ARHGAP22: variants seen among roughly 807,000 people sequenced by gnomAD.
The protein encoded by ARHGAP22 is Rho GTPase activating protein 22.
In ARHGAP22, 48 loss-of-function variants were observed where a neutral mutation model predicts 59.1. The ratio of observed to expected loss-of-function variants is 0.81; its 90% confidence interval spans 0.64 to 1.03. The LOEUF (loss-of-function observed/expected upper bound fraction) is 1.03. ARHGAP22 is among the 50% of genes least tolerant of loss of function. The pLI is 0.00. For synonymous variants in ARHGAP22, 445 were observed against 416.4 expected (o/e 1.07, Z -0.84); for missense variants, 1,015 against 958.7 (o/e 1.06, Z -0.78).
chr10:48,631,186 A>C (rs2061616047), intron 1 of ARHGAP22, among the ~76,000 whole-genome samples: 1 of 152,072 alleles, frequency 6.6e-6, no homozygotes, highest in Non-Finnish European at 1.5e-5. Flanking sequence ...TTCTTTTTAT[A>C]CATTATTGGA....
chr10:48,605,230 T>C (rs2135930475), upstream of ARHGAP22: 2 of 895,088 alleles, frequency 2.2e-6, no homozygotes, highest in Non-Finnish European at 2.7e-6. Context: ...CGGCCATCCT[T>C]TGCTGAGGCT....
rs1004728430 is a variant in ARHGAP22, at chr10:48,450,653, G to A, written c.1476C>T (p.Tyr492=). 6 of 1,550,190 alleles carry A rather than the reference G, an allele frequency of 3.9e-6. No homozygotes were observed. The highest frequency in any genetic ancestry group is 1.7e-4 in the Middle Eastern group (1 of 6,012). ...DSGSVQRLST[Y]DNVPAPGLVP... The stretch of plus-strand genomic sequence containing the variant: ...CCAGGCCCGGCGCGGGCACATTGTC[G>A]TAGGTGGAGAGTCTCTGCACGGAGC... Residue 492 remains tyrosine, a synonymous_variant, in exon 9 of 10, where the codon TAC becomes TAT. Transcript: ENST00000249601.
chr10:48,456,260 G>C (rs2046493222), intron 5 of ARHGAP22, among the ~76,000 whole-genome samples: 1 of 152,162 alleles, frequency 6.6e-6, no homozygotes. Flanking sequence ...ATGAATCCCA[G>C]GCTAGGCTCA....
At chr10:48,656,265 TGGGGGGGGGGGGGC>T (rs551044417), upstream of ARHGAP22, 29,179 of 101,624 alleles carry the variant, frequency 0.29, 4,909 homozygotes, top group East Asian at 0.46. Flanking sequence ...TCGGCGCCTC[TGGGGGGGGGGGGGC>T]GGGGGGGGGG....
rs531284176 is a variant in ARHGAP22, at chr10:48,527,859, T to G, written c.322+27604A>C. ...GCCAGAGGTGGGAGCCTCTAGGACA[T>G]GTTTCCCAGCAGGAAGGCCAGCCTC... On this transcript the variant is annotated intron_variant, in intron 3 of 9. Coordinates refer to ENST00000249601, the MANE Select transcript of ARHGAP22 (RefSeq NM_021226.4). Among the ~76,000 whole-genome samples the G allele has an allele frequency of 7.9e-5, 12 of 152,258 alleles. No homozygotes were observed. In the East Asian group the frequency reaches 2.3e-3, roughly 29 times the overall value.
intron 2 of ARHGAP22, among the ~76,000 whole-genome samples, chr10:48,558,411 G>A (rs969637802): frequency 6.6e-6 from 1 of 151,110 alleles, no homozygotes; most frequent in Non-Finnish European, 1.5e-5. Context: ...GGCCCAGGCT[G>A]GAGAGCAGTG....
At chr10:48,639,424 A>C (rs1043284501) in intron 1 of ARHGAP22, among the ~76,000 whole-genome samples, 4 of 152,254 alleles carry the variant, frequency 2.6e-5, no homozygotes, top group African/African-American at 9.6e-5. Context: ...TCCAACAGAA[A>C]GTAAAAGCCA....
chr10:48,630,652 A>C (rs1248726887), intron 1 of ARHGAP22, among the ~76,000 whole-genome samples: 1 of 152,188 alleles, frequency 6.6e-6, no homozygotes, highest in Non-Finnish European at 1.5e-5. Context: ...ATATCCTGTG[A>C]CTTGCTATAA....
intron 1 of ARHGAP22, among the ~76,000 whole-genome samples, chr10:48,610,891 G>T (rs1340503821): frequency 6.6e-6 from 1 of 152,222 alleles, no homozygotes; most frequent in African/African-American, 2.4e-5. Context: ...GCAGCTGTCA[G>T]CTGACTTCAC....
At chr10:48,639,130 C>T (rs1348259234) in intron 1 of ARHGAP22, among the ~76,000 whole-genome samples, 1 of 152,198 alleles carries the variant, frequency 6.6e-6, no homozygotes, top group African/African-American at 2.4e-5. Context: ...AGTCCTCACA[C>T]AGGTTCTGTC....
At chr10:48,645,307 C>T (rs934653581) in intron 1 of ARHGAP22, among the ~76,000 whole-genome samples, 2 of 152,124 alleles carry the variant, frequency 1.3e-5, no homozygotes, top group Admixed American at 6.5e-5. Flanking sequence ...AGATGAAGAC[C>T]TTCTACAAAA....
chr10:48,526,978 G>A (rs2054383782), intron 3 of ARHGAP22, among the ~76,000 whole-genome samples: 1 of 152,170 alleles, frequency 6.6e-6, no homozygotes, highest in Non-Finnish European at 1.5e-5. Context: ...TCCTCAAGGG[G>A]GAAGGAAAAT....
the ARHGAP22 span, chr10:48,435,049 G>C: frequency 6.8e-7 from 1 of 1,463,306 alleles, no homozygotes; most frequent in Non-Finnish European, 9.3e-7. Context: ...CCATCGGGGG[G>C]TGGGAGGGAT....
intron 3 of ARHGAP22, among the ~76,000 whole-genome samples, chr10:48,487,130 A>G (rs11817012): frequency 0.72 from 108,898 of 152,112 alleles, 43,225 homozygotes; most frequent in Non-Finnish European, 0.9. Flanking sequence ...TTGGTACTTC[A>G]AATACGTGTT....
chr10:48,543,712 C>T (rs560838520), intron 3 of ARHGAP22, among the ~76,000 whole-genome samples: 6 of 152,058 alleles, frequency 3.9e-5, no homozygotes, highest in Admixed American at 2.0e-4. Context: ...ATTTGAGAAG[C>T]ACAGCTGTAA....
At chr10:48,650,610 AG>A (rs1239121147) in intron 1 of ARHGAP22, among the ~76,000 whole-genome samples, 15 of 152,212 alleles carry the variant, frequency 9.9e-5, no homozygotes, top group African/African-American at 3.4e-4. Flanking sequence ...AAATTCATTA[AG>A]TTCAGGTATG....
At chr10:48,551,121 C>T (rs1277216745) in intron 3 of ARHGAP22, among the ~76,000 whole-genome samples, 4 of 152,208 alleles carry the variant, frequency 2.6e-5, no homozygotes, top group Non-Finnish European at 5.9e-5. Flanking sequence ...CCTTTCTTTG[C>T]TTGCCAGGCA....
chr10:48,540,081 G>A (rs1452422392), intron 3 of ARHGAP22, among the ~76,000 whole-genome samples: 4 of 152,190 alleles, frequency 2.6e-5, no homozygotes, highest in African/African-American at 4.8e-5. Flanking sequence ...CAGTAAGACT[G>A]AGCACCTCAC....
chr10:48,627,322 A>G (rs2061486196), intron 1 of ARHGAP22, among the ~76,000 whole-genome samples: 1 of 152,214 alleles, frequency 6.6e-6, no homozygotes, highest in Admixed American at 6.5e-5. Flanking sequence ...TGGCCTGGGC[A>G]CCCATTTTCA....
Sources: allele counts gnomAD v4.1 joint callset (sites outside exome capture counted in the v4.1 genomes callset), GRCh38; gene constraint gnomAD v4.1.1; transcripts MANE v1.5; gene names NCBI Gene and HGNC (gene_info 2026-07-23, HGNC 2026-07-21).